SCN11A: variants seen among roughly 807,000 people sequenced by gnomAD.
SCN11A encodes sodium voltage-gated channel alpha subunit 11.
Under a neutral mutation model 162.2 loss-of-function variants are expected in SCN11A, and 122 were observed. The observed-to-expected ratio is 0.75, with a 90% CI of 0.65 to 0.87. SCN11A has a LOEUF of 0.87. SCN11A is among the 40% of genes least tolerant of loss of function. The probability of loss-of-function intolerance (pLI) is 0.00; values close to 1 mark genes in which losing one functional copy is unlikely to be tolerated. For synonymous variants in SCN11A, 758 were observed against 751.5 expected (o/e 1.01, Z -0.14); for missense variants, 2,015 against 2,181.6 (o/e 0.92, Z 1.52).
chr3:38,982,516 G>C (rs564025098), intron 2 of SCN11A, among the ~76,000 whole-genome samples: 1 of 152,174 alleles, frequency 6.6e-6, no homozygotes, highest in African/African-American at 2.4e-5. Context: ...GAGCTAATAA[G>C]GCAGGGTGGG....
At chr3:38,891,824 C>A (rs1482053472) in intron 19 of SCN11A, among the ~76,000 whole-genome samples, 1 of 152,164 alleles carries the variant, frequency 6.6e-6, no homozygotes, top group Non-Finnish European at 1.5e-5. Flanking sequence ...AATCTAATCA[C>A]CTATTAAAGG....
rs189203731 is a variant in SCN11A at position 38,877,030 on chromosome 3, T to C, written c.3393+2920A>G. ...GAAAGAGACATATGGTGTATATATA[T>C]GGTATATATATGGTGTATATACTAT... On this transcript the variant is annotated intron_variant, in intron 23 of 29. Coordinates refer to ENST00000302328, the MANE Select transcript of SCN11A (RefSeq NM_001349253.2). Among the ~76,000 whole-genome samples, 66 of 41,222 alleles carry C rather than the reference T, an allele frequency of 1.6e-3. 1 individual carries two copies. The highest frequency in any genetic ancestry group is 6.1e-3 in the African/African-American group (64 of 10,550). 27.0% of individuals were successfully genotyped at this position (41,222 alleles called of 152,430 possible). A position where few individuals can be genotyped will look rare whatever the true frequency, so the allele number is the denominator to read the frequency against.
At chr3:38,951,325 C>G (rs542669093) in intron 4 of SCN11A, among the ~76,000 whole-genome samples, 1 of 152,368 alleles carries the variant, frequency 6.6e-6, no homozygotes, top group East Asian at 1.9e-4. Context: ...TACTGGGTCC[C>G]CCAGCAGAGT....
chr3:38,993,969 G>A (rs938052110), intron 2 of SCN11A, among the ~76,000 whole-genome samples: 7 of 152,226 alleles, frequency 4.6e-5, no homozygotes, highest in African/African-American at 1.4e-4. Flanking sequence ...GTCTCTTAGA[G>A]GGTCCCAGTG....
rs972721352 is a variant in SCN11A at position 38,941,148 on chromosome 3, G to A, written c.488+4263C>T. Among the ~76,000 whole-genome samples the A allele has an allele frequency of 3.3e-5, 5 of 152,316 alleles. No individual in the cohort carries two copies. The South Asian group carries it at 1.0e-3, about 32-fold the overall frequency. On this transcript the variant is annotated intron_variant, in intron 7 of 29. Transcript: ENST00000302328. The stretch of plus-strand genomic sequence containing the variant: ...AGTCCTGAAGATTTAAGGTGGCCGA[G>A]GGTGGGGTTCAGAGCTGGCAGAGCA...
chr3:38,859,778 G>T (rs191035035), intron 28 of SCN11A, among the ~76,000 whole-genome samples: 11 of 152,270 alleles, frequency 7.2e-5, no homozygotes, highest in Admixed American at 7.2e-4. Context: ...GCTTGACTTT[G>T]AAACAAAATT....
At chr3:39,016,783 G>T (rs561936613) in intron 2 of SCN11A, among the ~76,000 whole-genome samples, 42 of 151,654 alleles carry the variant, frequency 2.8e-4, no homozygotes, top group African/African-American at 1.0e-3. Context: ...TTGTATTTTT[G>T]GTAGAGACAG....
intron 3 of SCN11A, among the ~76,000 whole-genome samples, chr3:38,954,881 C>T (rs563590930): frequency 7.9e-5 from 12 of 151,748 alleles, no homozygotes; most frequent in East Asian, 1.9e-4. Flanking sequence ...CCCAGCCACT[C>T]GGGAGGCTGA....
rs1055738935 is a variant in SCN11A at position 38,921,204 on chromosome 3, T to C, written c.764A>G (p.Asn255Ser). The C allele has an allele frequency of 1.9e-6, 3 of 1,613,962 alleles. No individual in the cohort carries two copies. Among genetic ancestry groups the C allele is most frequent in the Non-Finnish European group, 2.5e-6 (3 of 1,179,950 alleles). ...GCAAAAGAAGGTGAGGATAATCACG[T>C]TGACCAGCTTCTTCACAGAGCGTAG... ...ALLRSVKKLV[N>S]VIILTFFCLS... The change falls in exon 10 of 30, where the codon AAC becomes AGC. Residue 255 changes from asparagine (N) to serine (S), a missense_variant. Transcript: ENST00000302328.
intron 2 of SCN11A, among the ~76,000 whole-genome samples, chr3:39,011,059 A>G (rs949443445): frequency 3.9e-5 from 6 of 152,196 alleles, no homozygotes; most frequent in African/African-American, 1.4e-4. Context: ...ATAGCCAAAC[A>G]TTAACACTGA....
At chr3:38,997,528 T>C (rs1412886344) in intron 2 of SCN11A, among the ~76,000 whole-genome samples, 1 of 152,240 alleles carries the variant, frequency 6.6e-6, no homozygotes, top group East Asian at 1.9e-4. Flanking sequence ...GTACTTACTC[T>C]CTTTTAACAT....
At chr3:38,997,444 C>A (rs2030678932) in intron 2 of SCN11A, among the ~76,000 whole-genome samples, 1 of 152,230 alleles carries the variant, frequency 6.6e-6, no homozygotes, top group Non-Finnish European at 1.5e-5. Flanking sequence ...ATACCAGTCA[C>A]CCTATTTAAA....
intron 2 of SCN11A, among the ~76,000 whole-genome samples, chr3:38,997,042 C>A (rs1294374235): frequency 6.6e-6 from 1 of 152,156 alleles, no homozygotes; most frequent in East Asian, 1.9e-4. Context: ...CCCCTGCTTC[C>A]ACCCTTGCCC....
chr3:39,005,482 G>A (rs2030944491), intron 2 of SCN11A, among the ~76,000 whole-genome samples: 1 of 152,128 alleles, frequency 6.6e-6, no homozygotes, highest in African/African-American at 2.4e-5. Flanking sequence ...CGCATAATGA[G>A]CCCCATTCTA....
At chr3:39,043,298 G>A (rs1355715682) in intron 1 of SCN11A, among the ~76,000 whole-genome samples, 2 of 152,154 alleles carry the variant, frequency 1.3e-5, no homozygotes, top group Non-Finnish European at 2.9e-5. Context: ...ATACGATCCA[G>A]CAATCCCATT....
At chr3:38,861,382 GA>G (rs878902253) in intron 28 of SCN11A, among the ~76,000 whole-genome samples, 3 of 151,248 alleles carry the variant, frequency 2.0e-5, no homozygotes, top group Non-Finnish European at 4.4e-5. Flanking sequence ...CACAGGACTA[GA>G]AAAAAAAATC....
chr3:39,021,880 A>C (rs191784246), intron 2 of SCN11A, among the ~76,000 whole-genome samples: 55 of 152,258 alleles, frequency 3.6e-4, no homozygotes, highest in Non-Finnish European at 2.5e-4. Context: ...TCCCCAGCAT[A>C]ATCTTGAAAA....
chr3:38,942,762 C>A (rs1056889922), intron 7 of SCN11A, among the ~76,000 whole-genome samples: 1 of 152,060 alleles, frequency 6.6e-6, no homozygotes, highest in African/African-American at 2.4e-5. Flanking sequence ...CTAAAACCAA[C>A]TATTTAAGCT....
intron 2 of SCN11A, among the ~76,000 whole-genome samples, chr3:39,001,854 G>A (rs1321611703): frequency 1.3e-5 from 2 of 152,088 alleles, no homozygotes; most frequent in African/African-American, 4.8e-5. Context: ...CTAACACGGT[G>A]AAACCCCGTC....
Sources: allele counts gnomAD v4.1 joint callset (sites outside exome capture counted in the v4.1 genomes callset), GRCh38; gene constraint gnomAD v4.1.1; transcripts MANE v1.5; gene names NCBI Gene and HGNC (gene_info 2026-07-23, HGNC 2026-07-21).